SVIL: variants seen among roughly 807,000 people sequenced by gnomAD.
SVIL encodes the protein supervillin, also known as archvillin.
In SVIL, 101 loss-of-function variants were observed where a neutral mutation model predicts 240.4. That is an observed-to-expected ratio of 0.42 (90% CI 0.36 to 0.50). SVIL has a LOEUF of 0.50. SVIL is among the 20% of genes least tolerant of loss of function. The pLI is 0.01. For synonymous variants in SVIL, 999 were observed against 1,100.0 expected (o/e 0.91, Z 1.82); for missense variants, 2,512 against 2,818.7 (o/e 0.89, Z 2.46).
Position 29,602,080 on chromosome 10 carries a change from G to A in SVIL, c.-201+32340C>T, listed in dbSNP as rs570433290. 1.3e-4 allele frequency among the ~76,000 whole-genome samples: 19 copies of A among 144,140 alleles called. No individual in the cohort carries two copies. In the East Asian group the frequency reaches 3.4e-3, roughly 26 times the overall value. 94.6% of individuals were successfully genotyped at this position (144,140 alleles called of 152,430 possible). On this transcript the variant is annotated intron_variant, in intron 1 of 37. Transcript: ENST00000355867. ...TTTGGCAGTGATCTTTCAAAACATG[G>A]GGCCCTGGATTATTAGGTTATATTT...
chr10:29,708,616 A>T lies in SVIL; in HGVS notation c.-399-21965T>A, dbSNP rs188066251. 5.9e-3 allele frequency among the ~76,000 whole-genome samples: 897 copies of T among 152,344 alleles called. 3 individuals are homozygous for T. Among genetic ancestry groups the T allele is most frequent in the Non-Finnish European group, 9.8e-3 (668 of 68,028 alleles). On this transcript the variant is annotated intron_variant, in intron 1 of 35. Coordinates refer to the SVIL transcript ENST00000375400. ...AGCCTGGGCAACTCCGTCTCAAAAA[A>T]TTTAAGAAAAGAAAAAGAAAACAAA...
In SVIL at chr10:29,716,070, G is replaced by T. The variant is rs373965740; in HGVS notation, c.-400+19681C>A. ...ACTATATTGCTTAAAATATTATTTG[G>T]TGCATTGTAGCAGATGAGTCTACAA... On this transcript the variant is annotated intron_variant, in intron 1 of 35. Transcript: ENST00000375400. Among the ~76,000 whole-genome samples the T allele has an allele frequency of 1.8e-4, 27 of 152,206 alleles. No homozygotes were observed. The South Asian group carries it at 5.6e-3, about 32-fold the overall frequency.
chr10:29,572,763 C>CAAAAAAAAAAAAAAAAAAAAAAAAAAAAA (rs375180538), intron 1 of SVIL, among the ~76,000 whole-genome samples: 2 of 81,314 alleles, frequency 2.5e-5, no homozygotes, highest in Non-Finnish European at 4.7e-5. Context: ...GATCCTATCT[C>CAAAAAAAAAAAAAAAAAAAAAAAAAAAAA]AAAAAAAAAA....
intron 13 of SVIL, among the ~76,000 whole-genome samples, chr10:29,526,305 C>CTTTTTTTT (rs36004446): frequency 3.0e-4 from 35 of 115,002 alleles, no homozygotes; most frequent in Non-Finnish European, 4.5e-4. Context: ...TTTTCTCTTT[C>CTTTTTTTT]TTTTTTTTTT....
rs1951458028 is a variant in SVIL at position 29,532,664 on chromosome 10, C to T, written c.1703G>A (p.Arg568Lys). The T allele has an allele frequency of 5.6e-6, 9 of 1,614,080 alleles. No homozygotes were observed. The highest frequency in any genetic ancestry group is 3.3e-4 in the Middle Eastern group (2 of 6,084). ...QALKYKDPAS[R>K]RELELPSSKT... ...GGAGCTGGGCAGCTCCAGCTCTCTCCTGGAAGCTGGGTCCTTATACTTCAA... is the reference window on the plus strand; with the variant it reads ...GGAGCTGGGCAGCTCCAGCTCTCTCTTGGAAGCTGGGTCCTTATACTTCAA... Residue 568 changes from arginine to lysine, a missense_variant, in exon 8 of 38, where the codon AGG becomes AAG. By Grantham distance (26) the Arg-to-Lys change is conservative. Transcript: ENST00000355867.
At chr10:29,731,016 A>C (rs1964588322) in intron 1 of SVIL, among the ~76,000 whole-genome samples, 1 of 152,232 alleles carries the variant, frequency 6.6e-6, no homozygotes, top group Non-Finnish European at 1.5e-5. Flanking sequence ...GTAAAATTTG[A>C]TAAACCATAT....
chr10:29,723,709 T>C (rs1964119699), intron 1 of SVIL, among the ~76,000 whole-genome samples: 1 of 152,180 alleles, frequency 6.6e-6, no homozygotes, highest in African/African-American at 2.4e-5. Context: ...GGTAACTAAT[T>C]CAGTAAGCCT....
intron 5 of SVIL, among the ~76,000 whole-genome samples, chr10:29,551,852 T>C (rs1457540476): frequency 6.6e-6 from 1 of 152,170 alleles, no homozygotes; most frequent in Admixed American, 6.5e-5. Context: ...GGCTCACACC[T>C]GTAATCCCAG....
chr10:29,530,478 G>A (rs1951279776), intron 11 of SVIL, 129 bp downstream of exon 11: 7 of 938,182 alleles, frequency 7.5e-6, no homozygotes, highest in South Asian at 5.9e-5. Context: ...TGAGATGGGG[G>A]TCTCACTGTG....
intron 1 of SVIL, among the ~76,000 whole-genome samples, chr10:29,573,643 C>T (rs951731882): frequency 2.0e-5 from 3 of 152,000 alleles, no homozygotes; most frequent in African/African-American, 2.4e-5. Context: ...AATACCCAAA[C>T]ATTTCCTCAC....
chr10:29,507,169 C>A (rs962897197), intron 17 of SVIL, among the ~76,000 whole-genome samples: 12 of 152,008 alleles, frequency 7.9e-5, no homozygotes, highest in African/African-American at 2.9e-4. Flanking sequence ...TTAATAGGGT[C>A]ACTGGAGGGG....
At chr10:29,688,080 T>A (rs1961226973) in intron 1 of SVIL, among the ~76,000 whole-genome samples, 1 of 152,224 alleles carries the variant, frequency 6.6e-6, no homozygotes, top group Admixed American at 6.5e-5. Context: ...GCTTCATTTA[T>A]CTAGATAAGG....
intron 1 of SVIL, among the ~76,000 whole-genome samples, chr10:29,730,569 G>A (rs974987073): frequency 6.6e-6 from 1 of 152,198 alleles, no homozygotes; most frequent in African/African-American, 2.4e-5. Context: ...AAAACTGAAA[G>A]ACTGTAAACA....
At chr10:29,602,697 AGGGAGAGGCC>A (rs1225469579) in intron 1 of SVIL, among the ~76,000 whole-genome samples, 1 of 152,222 alleles carries the variant, frequency 6.6e-6, no homozygotes, top group Non-Finnish European at 1.5e-5. Context: ...TAAAAAAGAA[AGGGAGAGGCC>A]GGGCGCTGTG....
At chr10:29,642,532 A>G (rs913927499) in intron 3 of SVIL, among the ~76,000 whole-genome samples, 3 of 152,224 alleles carry the variant, frequency 2.0e-5, no homozygotes, top group Non-Finnish European at 2.9e-5. Flanking sequence ...TCTCCTAGAC[A>G]TGGTCTCTGA....
intron 6 of SVIL, among the ~76,000 whole-genome samples, chr10:29,537,669 T>C (rs1951838135): frequency 6.6e-6 from 1 of 152,204 alleles, no homozygotes; most frequent in Non-Finnish European, 1.5e-5. Context: ...CAAAAAGAAA[T>C]TTCTAAAAGA....
chr10:29,601,817 C>G (rs1956822642), intron 1 of SVIL, among the ~76,000 whole-genome samples: 1 of 152,246 alleles, frequency 6.6e-6, no homozygotes, highest in Admixed American at 6.5e-5. Flanking sequence ...GCTTCTGATT[C>G]TGCTACCAGG....
intron 1 of SVIL, among the ~76,000 whole-genome samples, chr10:29,729,452 TGTGTG>T (rs1166862321): frequency 4.8e-4 from 4 of 8,322 alleles, no homozygotes; most frequent in Admixed American, 2.0e-3. Context: ...TTTATGGAGG[TGTGTG>T]TGTGTGTGTG....
chr10:29,680,898 G>A (rs138694165), intron 2 of SVIL, among the ~76,000 whole-genome samples: 6 of 150,804 alleles, frequency 4.0e-5, no homozygotes, highest in South Asian at 2.1e-4. Flanking sequence ...CAGCCTGGGC[G>A]ACAGAGTGAG....
Sources: allele counts gnomAD v4.1 joint callset (sites outside exome capture counted in the v4.1 genomes callset), GRCh38; gene constraint gnomAD v4.1.1; transcripts MANE v1.5; gene names NCBI Gene and HGNC (gene_info 2026-07-23, HGNC 2026-07-21).